The following SHLD2 variants were observed in gnomAD, a reference collection of about 807,000 sequenced individuals.
The protein encoded by SHLD2 is RINN1-REV7-interacting novel NHEJ regulator 2.
A neutral mutation model predicts 73.2 loss-of-function variants in SHLD2; 30 were observed. The ratio of observed to expected loss-of-function variants is 0.41; its 90% CI spans 0.31 to 0.56. The LOEUF is 0.56. SHLD2 is among the 20% of genes least tolerant of loss of function. SHLD2 has a pLI of 0.28. For synonymous variants in SHLD2, 285 were observed against 370.1 expected (o/e 0.77, Z 2.64); for missense variants, 745 against 1,055.9 (o/e 0.71, Z 4.08).
intron 2 of SHLD2, among the ~76,000 whole-genome samples, chr10:87,130,536 T>A (rs1844353266): frequency 6.6e-6 from 1 of 152,098 alleles, no homozygotes; most frequent in Non-Finnish European, 1.5e-5. Flanking sequence ...ATGTGGTATT[T>A]AGGAAGGTAC....
At chr10:87,131,775 T>C (rs1335132634) in intron 2 of SHLD2, among the ~76,000 whole-genome samples, 3 of 152,232 alleles carry the variant, frequency 2.0e-5, no homozygotes, top group African/African-American at 7.2e-5. Flanking sequence ...GTCTTTAACT[T>C]AATGAGGAAC....
At chr10:87,173,742 C>CAA (rs1300183782) in intron 6 of SHLD2, among the ~76,000 whole-genome samples, 1 of 91,298 alleles carries the variant, frequency 1.1e-5, no homozygotes, top group Non-Finnish European at 2.4e-5. Context: ...GAAAGGCAAC[C>CAA]AAAAAAAAAC....
intron 4 of SHLD2, among the ~76,000 whole-genome samples, chr10:87,161,794 G>T (rs1846836759): frequency 6.6e-6 from 1 of 152,136 alleles, no homozygotes; most frequent in Non-Finnish European, 1.5e-5. Flanking sequence ...AGACATGCAA[G>T]AATAGCTAGG....
chr10:87,180,743 G>A (rs1302286054), intron 8 of SHLD2, among the ~76,000 whole-genome samples: 2 of 152,116 alleles, frequency 1.3e-5, no homozygotes, highest in Non-Finnish European at 2.9e-5. Context: ...GCAAATAAAT[G>A]TTGTATGGTA....
chr10:87,155,518 CTTTAA>C (rs1846352475), intron 3 of SHLD2, among the ~76,000 whole-genome samples: 2 of 151,168 alleles, frequency 1.3e-5, no homozygotes, highest in African/African-American at 4.9e-5. Context: ...ATTTTTTTTT[CTTTAA>C]TTTGTTTCAT....
intron 8 of SHLD2, among the ~76,000 whole-genome samples, chr10:87,182,239 CTCAG>C (rs1359355569): frequency 2.6e-5 from 4 of 152,146 alleles, no homozygotes; most frequent in Non-Finnish European, 5.9e-5. Flanking sequence ...TTTTCTAAGA[CTCAG>C]TCAAATATTT....
chr10:87,146,176 G>C (rs1159935838), intron 2 of SHLD2, among the ~76,000 whole-genome samples: 1 of 152,146 alleles, frequency 6.6e-6, no homozygotes, highest in African/African-American at 2.4e-5. Context: ...CACTTACAAG[G>C]GTATTTGTTT....
At chr10:87,190,114 A>C (rs1848953306) in intron 9 of SHLD2, among the ~76,000 whole-genome samples, 1 of 152,248 alleles carries the variant, frequency 6.6e-6, no homozygotes. Context: ...GCTGGAGTGC[A>C]GTGGCACAAT....
At chr10:87,143,286 G>A (rs1199837494) in intron 2 of SHLD2, among the ~76,000 whole-genome samples, 1 of 152,114 alleles carries the variant, frequency 6.6e-6, no homozygotes, top group Non-Finnish European at 1.5e-5. Flanking sequence ...GAGGTGAAGT[G>A]TGATATTTTA....
At chr10:87,118,097 A>G (rs1843365324) in intron 2 of SHLD2, among the ~76,000 whole-genome samples, 1 of 152,184 alleles carries the variant, frequency 6.6e-6, no homozygotes, top group Non-Finnish European at 1.5e-5. Flanking sequence ...TATTGTTTCC[A>G]GTCTTTACAG....
At position 87,095,238 on chromosome 10, in the gene SHLD2, G is replaced by A. The variant is rs1411513338; in HGVS notation, c.-72G>A. 6.7e-6 allele frequency: 1 copy of A among 149,986 alleles called. No individual in the cohort carries two copies. The highest frequency in any genetic ancestry group is 1.5e-5 in the Non-Finnish European group (1 of 67,036). 9.3% of individuals were successfully genotyped at this position (149,986 alleles called of 1,614,324 possible). ...CCCGGAGGCCGCACCCGCCTCCGGC[G>A]GGGCTCTCAGGTATGTGCGCCGCGG... On this transcript the variant is annotated 5_prime_UTR_variant, in exon 1 of 10. Transcript: ENST00000298786.
chr10:87,107,186 G>A (rs1842655397), intron 2 of SHLD2, among the ~76,000 whole-genome samples: 1 of 152,128 alleles, frequency 6.6e-6, no homozygotes, highest in Admixed American at 6.5e-5. Flanking sequence ...GCTGAGGCAG[G>A]TGGATCACCA....
intron 3 of SHLD2, among the ~76,000 whole-genome samples, chr10:87,155,508 A>AT (rs68166675): frequency 1.3e-5 from 2 of 151,538 alleles, no homozygotes; most frequent in African/African-American, 2.4e-5. Flanking sequence ...TGAAAAAAAA[A>AT]TTTTTTTTTC....
intron 2 of SHLD2, among the ~76,000 whole-genome samples, chr10:87,121,769 T>C (rs1412382003): frequency 4.0e-5 from 6 of 150,666 alleles, no homozygotes; most frequent in Non-Finnish European, 7.4e-5. Context: ...TTTCTTTTTT[T>C]TTTTTTTTTT....
intron 2 of SHLD2, among the ~76,000 whole-genome samples, chr10:87,145,107 A>AT (rs1358335740): frequency 6.8e-6 from 1 of 146,532 alleles, no homozygotes; most frequent in African/African-American, 2.5e-5. Flanking sequence ...CGCTCGGCTA[A>AT]TTTTTTGTAT....
Position 87,187,147 on chromosome 10 carries a change from T to G in SHLD2, c.2462T>G (p.Leu821Arg). ...GTTTGTATCCGTGTAGAATCAAAGC[T>G]GATAGAGAAGATTCTTCTCAACATT... ...HDVCIRVESK[L>R]IEKILLNISA... Residue 821 changes from leucine to arginine, a missense_variant, in exon 9 of 10, where the codon CTG (leucine) becomes CGG (arginine). Physicochemically the swap from Leu to Arg is moderately radical, Grantham distance 102. Transcript: ENST00000298786. The G allele has an allele frequency of 6.2e-7, 1 of 1,613,542 alleles. No individual in the cohort carries two copies. Among genetic ancestry groups the G allele is most frequent in the Non-Finnish European group, 8.5e-7 (1 of 1,179,544 alleles).
chr10:87,094,652 C>G, upstream of SHLD2: 1 of 1,597,598 alleles, frequency 6.3e-7, no homozygotes, highest in Non-Finnish European at 8.5e-7. The surrounding 1 kb of genome is among the most constrained non-coding windows in gnomAD (Gnocchi z 6.6). Context: ...GGCTGCGGGG[C>G]GGCGGCGGGC....
At chr10:87,097,273 G>T (rs753335258) in intron 2 of SHLD2, among the ~76,000 whole-genome samples, 1 of 152,140 alleles carries the variant, frequency 6.6e-6, no homozygotes, top group Non-Finnish European at 1.5e-5. Context: ...CAAGAAGGTG[G>T]AATTGGGCCT....
intron 2 of SHLD2, among the ~76,000 whole-genome samples, chr10:87,144,495 T>C (rs1277663590): frequency 6.6e-6 from 1 of 152,182 alleles, no homozygotes. Flanking sequence ...AGCAATAGCT[T>C]TAAACTTCAA....
Sources: gnomAD v4.1 joint callset for allele counts (sites outside exome capture counted in the v4.1 genomes callset) on GRCh38, gnomAD v4.1.1 for gene constraint, Gnocchi (gnomAD v3.1) non-coding constraint, MANE v1.5 for transcripts, NCBI Gene and HGNC (gene_info 2026-07-23, HGNC 2026-07-21) for gene names.